Variants in NOM1 observed in about 807,000 individuals in gnomAD.
NOM1 encodes nucleolar MIF4G domain-containing protein 1.
Under a neutral mutation model 73.3 loss-of-function variants are expected in NOM1, and 58 were observed. The observed-to-expected ratio is 0.79, with a 90% confidence interval of 0.64 to 0.99. The LOEUF (loss-of-function observed/expected upper bound fraction) is 0.99. Ranked by LOEUF, NOM1 falls within the 50% of genes least tolerant of loss-of-function variation. The probability of loss-of-function intolerance (pLI) is 0.00; values close to 1 mark genes in which losing one functional copy is unlikely to be tolerated. For missense variants in NOM1, 1,226 were observed against 1,131.9 expected, an observed-to-expected ratio of 1.08 and a Z score of -1.19; for synonymous variants, 487 against 446.8, an observed-to-expected ratio of 1.09 and a Z score of -1.14.
At chr7:156,966,071 C>A in intron 7 of NOM1, 199 bp from the exon 8 acceptor site, 1 of 624,710 alleles carries the variant, frequency 1.6e-6, no homozygotes, top group Non-Finnish European at 2.8e-6. Flanking sequence ...CATTTTGCCA[C>A]ATTGTAGGAG....
At chr7:156,965,919 AAAGT>A (rs1358534353) in intron 7 of NOM1, among the ~76,000 whole-genome samples, 4 of 13,226 alleles carry the variant, frequency 3.0e-4, no homozygotes, top group Non-Finnish European at 8.9e-4. Flanking sequence ...CTCAAAAAAA[AAAGT>A]AAGAAAATGT....
Position 156,952,585 on chromosome 7 carries a change from G to A in NOM1, c.1099G>A (p.Gly367Ser), listed in dbSNP as rs2134770751. ...AGAAAGGCTGAAGAAACATGTAAAA[G>A]GTCTACTTAACAGGTGACCTTGTAG... ...ELERLKKHVK[G>S]LLNRLSEPNM... is the part of the protein sequence containing the mutation. Residue 367 changes from glycine to serine, a missense_variant, in exon 2 of 11, where the codon GGT (glycine) becomes AGT (serine). Physicochemically the swap from Gly to Ser is moderately conservative, Grantham distance 56. Transcript: ENST00000275820. 2 of 1,613,778 alleles carry A rather than the reference G, an allele frequency of 1.2e-6. 1 individual carries two copies. The highest frequency in any genetic ancestry group is 2.2e-5 in the South Asian group (2 of 91,014).
intron 7 of NOM1, among the ~76,000 whole-genome samples, chr7:156,965,298 G>A (rs773221851): frequency 1.7e-4 from 26 of 152,326 alleles, no homozygotes; most frequent in Non-Finnish European, 3.5e-4. Flanking sequence ...ACCATGAGAC[G>A]CCGTCTAAGG....
In NOM1 at chr7:156,963,005, C is replaced by T; in HGVS notation, c.1744-3C>T. The T allele has an allele frequency of 6.2e-7, 1 of 1,609,870 alleles. No homozygotes were observed. Among genetic ancestry groups the T allele is most frequent in the Non-Finnish European group, 8.5e-7 (1 of 1,176,480 alleles). ...ATTTCATTAGCTCTTCTCTCTTCATCAGGTCCGCAACGCCGGCTCAGGTTC... is the reference window on the plus strand; with the variant it reads ...ATTTCATTAGCTCTTCTCTCTTCATTAGGTCCGCAACGCCGGCTCAGGTTC... On this transcript the variant is annotated splice_region_variant and splice_polypyrimidine_tract_variant and intron_variant, in intron 5 of 10. Transcript: ENST00000275820.
In NOM1 at chr7:156,949,793, T is replaced by G. The variant is rs1292654017; in HGVS notation, c.56T>G (p.Val19Gly). ...GGCCCGGGCGGCTCCCAGGGACGCG[T>G]GGTCCGCATGAAGCGCAGAGGCGGG... ...EAGPGGSQGRVVRMKRRGGRG... is the reference protein window; with the variant it reads ...EAGPGGSQGRGVRMKRRGGRG... Residue 19 changes from valine to glycine, a missense_variant, in exon 1 of 11, where the codon GTG (valine) becomes GGG (glycine). By Grantham distance (109) the Val-to-Gly change is moderately radical (BLOSUM62 -3). Coordinates refer to ENST00000275820, the MANE Select transcript of NOM1 (RefSeq NM_138400.2). 1 of 1,413,360 alleles carries G rather than the reference T, an allele frequency of 7.1e-7. No individual in the cohort carries two copies. The highest frequency in any genetic ancestry group is 9.2e-7 in the Non-Finnish European group (1 of 1,087,984). 87.6% of individuals were successfully genotyped at this position (1,413,360 alleles called of 1,614,324 possible). A position where few individuals can be genotyped will look rare whatever the true frequency, so the allele number is the denominator to read the frequency against.
At chr7:156,951,504 G>A (rs1417686628) in intron 1 of NOM1, among the ~76,000 whole-genome samples, 2 of 152,168 alleles carry the variant, frequency 1.3e-5, no homozygotes, top group Non-Finnish European at 2.9e-5. Flanking sequence ...AGGCAGCTGT[G>A]TGGAATTGCC....
Position 156,949,827 on chromosome 7 carries a change from G to A in NOM1, c.90G>A (p.Pro30=). Residue 30 remains proline, a synonymous_variant, in exon 1 of 11, where the codon CCG becomes CCA. Transcript: ENST00000275820. ...VRMKRRGGRG[P]RRGPAGGGEK... is the part of the protein sequence containing the mutation. Reference sequence around the variant, plus strand: ...TGAAGCGCAGAGGCGGGCGCGGGCCGCGCCGCGGTCCTGCTGGCGGTGGGG... The same window carrying A: ...TGAAGCGCAGAGGCGGGCGCGGGCCACGCCGCGGTCCTGCTGGCGGTGGGG... The A allele has an allele frequency of 6.9e-7, 1 of 1,446,066 alleles. No homozygotes were observed. Among genetic ancestry groups the A allele is most frequent in the Non-Finnish European group, 9.1e-7 (1 of 1,102,124 alleles). The allele number at this position is 1,446,066 out of a possible 1,614,324, so 89.6% of individuals were successfully genotyped here.
In NOM1 at chr7:156,950,713, A is replaced by G. The variant is rs766830254; in HGVS notation, c.976A>G (p.Ile326Val). 18 of 1,551,442 alleles carry G rather than the reference A, an allele frequency of 1.2e-5. No homozygotes were observed. The Admixed American group carries it at 2.2e-4, about 19-fold the overall frequency. The change falls in exon 1 of 11, where the codon ATA becomes GTA. Residue 326 changes from isoleucine (I) to valine (V), a missense_variant. Ile to Val is a conservative substitution (Grantham distance 29, BLOSUM62 3). Coordinates refer to ENST00000275820, the MANE Select transcript of NOM1 (RefSeq NM_138400.2). ...TGAAAATTCCTCGGAGGACGGTGAC[A>G]TAACGGATAAGGTATCGTGTGAACA... The part of the protein sequence containing the change: ...KSENSSEDGD[I>V]TDKSLCGSGE...
In NOM1 at chr7:156,949,987, G is replaced by A; in HGVS notation, c.250G>A (p.Glu84Lys). The A allele has an allele frequency of 2.6e-6, 4 of 1,540,598 alleles. No homozygotes were observed. The highest frequency in any genetic ancestry group is 3.5e-6 in the Non-Finnish European group (4 of 1,146,788). ...CCCGGGAGGGAGAAAAAGCCGTAAGGAACTGAGGAAGGAGAAGCGGCACCT... is the reference window on the plus strand; with the variant it reads ...CCCGGGAGGGAGAAAAAGCCGTAAGAAACTGAGGAAGGAGAAGCGGCACCT... ...FRPGGRKSRKELRKEKRHLRK... is the reference protein window; with the variant it reads ...FRPGGRKSRKKLRKEKRHLRK... Residue 84 changes from glutamate (E) to lysine (K), a missense_variant, in exon 1 of 11, where the codon GAA (glutamate) becomes AAA (lysine). Physicochemically the swap from Glu to Lys is moderately conservative, Grantham distance 56. Coordinates refer to ENST00000275820, the MANE Select transcript of NOM1 (RefSeq NM_138400.2).
Position 156,950,449 on chromosome 7 carries a change from G to A in NOM1, c.712G>A (p.Glu238Lys), listed in dbSNP as rs139803899. 2.6e-5 allele frequency: 42 copies of A among 1,613,934 alleles called. No homozygotes were observed. In the African/African-American group the frequency reaches 5.1e-4, roughly 19 times the overall value. Residue 238 changes from glutamate (E) to lysine (K), a missense_variant, in exon 1 of 11, where the codon GAG becomes AAG. Transcript: ENST00000275820. ...CGGCTTGTACGACAGCAGTGGTGAG[G>A]AGGAGGAAGATGCCGGACAGACACT... ...NSGLYDSSGE[E>K]EEDAGQTLPE...
At chr7:156,967,565 T>G (rs376637201) in intron 9 of NOM1, among the ~76,000 whole-genome samples, 1 of 152,152 alleles carries the variant, frequency 6.6e-6, no homozygotes, top group South Asian at 2.1e-4. Flanking sequence ...TGGGAGTTGC[T>G]CTGTCACCCA....
At chr7:156,955,123 C>G (rs1804689304) in intron 3 of NOM1, among the ~76,000 whole-genome samples, 1 of 152,200 alleles carries the variant, frequency 6.6e-6, no homozygotes, top group Admixed American at 6.5e-5. Context: ...TGGCACCCGA[C>G]AGGTGCTAAG....
In NOM1 at chr7:156,960,118, A is replaced by AGG. The variant is rs780152691; in HGVS notation, c.1576_1577insGG (p.Thr526ArgfsTer25). On this transcript the variant is annotated frameshift_variant, in exon 4 of 11. Coordinates refer to ENST00000275820, the MANE Select transcript of NOM1 (RefSeq NM_138400.2). LOFTEE classifies it high-confidence loss of function. The stretch of plus-strand genomic sequence containing the variant: ...TGCTTTATCACTTAAGGAATTGATC[A>AGG]CTGAAGCCCAGACCAAAGCCAGCGG... The AGG allele has an allele frequency of 1.2e-6, 2 of 1,614,092 alleles. No homozygotes were observed. Among genetic ancestry groups the AGG allele is most frequent in the Non-Finnish European group, 1.7e-6 (2 of 1,180,004 alleles).
chr7:156,966,005 C>T (rs1287271884), intron 7 of NOM1, among the ~76,000 whole-genome samples: 1 of 152,188 alleles, frequency 6.6e-6, no homozygotes, highest in African/African-American at 2.4e-5. Context: ...CAGCCGGGCA[C>T]AGCTGTCGAC....
chr7:156,967,385 G>T (rs1362000650), intron 9 of NOM1, among the ~76,000 whole-genome samples: 1 of 152,216 alleles, frequency 6.6e-6, no homozygotes, highest in Non-Finnish European at 1.5e-5. Context: ...GTCACTGTTA[G>T]TGAGGAGAAG....
chr7:156,963,213 A>AC, intron 6 of NOM1, 38 bp downstream of exon 6: 3 of 1,611,186 alleles, frequency 1.9e-6, no homozygotes, highest in Non-Finnish European at 1.7e-6. Context: ...AGGCAGAGGC[A>AC]CCCCCCTGTG....
At chr7:156,966,494 A>G in intron 8 of NOM1, 92 bp downstream of exon 8, 1 of 1,454,692 alleles carries the variant, frequency 6.9e-7, no homozygotes, top group Non-Finnish European at 9.5e-7. Flanking sequence ...GAGTTCCCCA[A>G]GTCAGGAGGC....
Position 156,966,316 on chromosome 7 carries a change from A to G in NOM1, c.2080A>G (p.Met694Val), listed in dbSNP as rs752584937. Residue 694 changes from methionine (M) to valine (V), a missense_variant, in exon 8 of 11, where the codon ATG becomes GTG. Physicochemically the swap from Met to Val is conservative, Grantham distance 21. Transcript: ENST00000275820. ...QQEREIIHVLMDCCLQEKTYN... is the reference protein window; with the variant it reads ...QQEREIIHVLVDCCLQEKTYN... ...GGAGAGAGAAATCATTCACGTTCTC[A>G]TGGATTGCTGCCTTCAAGAGAAAAC... 1.2e-6 allele frequency: 2 copies of G among 1,614,106 alleles called. No individual in the cohort carries two copies. The highest frequency in any genetic ancestry group is 1.7e-6 in the Non-Finnish European group (2 of 1,180,042).
chr7:156,953,161 C>T (rs1416824967), intron 2 of NOM1, among the ~76,000 whole-genome samples: 1 of 152,122 alleles, frequency 6.6e-6, no homozygotes, highest in East Asian at 1.9e-4. Flanking sequence ...TTTGCTCTTG[C>T]TGCACTGGCT....
Sources: gnomAD v4.1 joint callset for allele counts (sites outside exome capture counted in the v4.1 genomes callset) on GRCh38, gnomAD v4.1.1 for gene constraint, MANE v1.5 for transcripts, NCBI Gene and HGNC (gene_info 2026-07-23, HGNC 2026-07-21) for gene names.